Variants in RIMKLA observed in about 807,000 individuals in gnomAD.
RIMKLA encodes ribosomal modification protein rimK like family member A, also known as N-acetylaspartylglutamate synthase A.
RIMKLA carries 14 observed loss-of-function variants against 32.7 expected under a neutral mutation model. The observed-to-expected ratio is 0.43, with a 90% CI of 0.28 to 0.67. RIMKLA has a LOEUF of 0.67. RIMKLA is among the 30% of genes least tolerant of loss of function. The probability of loss-of-function intolerance (pLI) is 0.18; values close to 1 mark genes in which losing one functional copy is unlikely to be tolerated. For synonymous variants in RIMKLA, 176 were observed against 204.1 expected (o/e 0.86, Z 1.18); for missense variants, 410 against 519.0 (o/e 0.79, Z 2.04).
chr1:42,392,512 A>C lies in RIMKLA; in HGVS notation c.164-6892A>C, dbSNP rs1197319811. 2.6e-5 allele frequency among the ~76,000 whole-genome samples: 4 copies of C among 152,060 alleles called. No individual in the cohort carries two copies. The South Asian group carries it at 8.3e-4, about 32-fold the overall frequency. On this transcript the variant is annotated intron_variant, in intron 1 of 4. Coordinates refer to ENST00000431473, the MANE Select transcript of RIMKLA (RefSeq NM_173642.4). ...CCTTTGGCTTTTACCATTTGATTGCACCAGGGCCCGGCTTCTGACTACCAG... is the reference window on the plus strand; with the variant it reads ...CCTTTGGCTTTTACCATTTGATTGCCCCAGGGCCCGGCTTCTGACTACCAG...
intron 2 of RIMKLA, among the ~76,000 whole-genome samples, chr1:42,402,207 C>G (rs534738726): frequency 7.9e-5 from 12 of 152,256 alleles, no homozygotes; most frequent in African/African-American, 2.6e-4. Context: ...TAATGCCACT[C>G]CCCCACCCTG....
Position 42,380,846 on chromosome 1 carries a change from C to T in RIMKLA, c.-89C>T. On this transcript the variant is annotated 5_prime_UTR_variant, in exon 1 of 5. It adds an upstream start codon to the 5' untranslated region. Coordinates refer to ENST00000431473, the MANE Select transcript of RIMKLA (RefSeq NM_173642.4). Reference sequence around the variant, plus strand: ...GGAGCCGTGGCGCGCTCGCCCCGGACGCCGGCCGCCCCTCCGCTCGCCCTA... The same window carrying T: ...GGAGCCGTGGCGCGCTCGCCCCGGATGCCGGCCGCCCCTCCGCTCGCCCTA... 3.5e-6 allele frequency: 3 copies of T among 851,998 alleles called. No homozygotes were observed. The highest frequency in any genetic ancestry group is 4.4e-6 in the Non-Finnish European group (3 of 676,160). The allele number at this position is 851,998 out of a possible 1,614,324, so 52.8% of individuals were successfully genotyped here.
chr1:42,406,704 A>G (rs1643150017), intron 3 of RIMKLA, among the ~76,000 whole-genome samples: 1 of 152,106 alleles, frequency 6.6e-6, no homozygotes, highest in South Asian at 2.1e-4. Context: ...GTATGTATGT[A>G]TGCTTATTAT....
chr1:42,385,887 T>TTTCTTTCC (rs1642941161), intron 1 of RIMKLA, among the ~76,000 whole-genome samples: 1 of 96,816 alleles, frequency 1.0e-5, no homozygotes, highest in African/African-American at 3.8e-5. Flanking sequence ...TCTTTCTTTC[T>TTTCTTTCC]TTCTTTCTTT....
At chr1:42,388,525 T>TC (rs1557751073) in intron 1 of RIMKLA, among the ~76,000 whole-genome samples, 1 of 145,398 alleles carries the variant, frequency 6.9e-6, no homozygotes, top group African/African-American at 2.6e-5. Flanking sequence ...TTGTTTTTTT[T>TC]TTTTTTTTTT....
Position 42,381,005 on chromosome 1 carries a change from G to A in RIMKLA, c.71G>A (p.Arg24His). 1 of 1,435,516 alleles carries A rather than the reference G, an allele frequency of 7.0e-7. No individual in the cohort carries two copies. 88.9% of individuals were successfully genotyped at this position (1,435,516 alleles called of 1,614,324 possible). ...GACTACCCGCAGGTGCAGATCCTGC[G>A]CGCCCTCCGGCAGCGCTGCTCCGAG... ...REDYPQVQILRALRQRCSEQD... is the reference protein window; with the variant it reads ...REDYPQVQILHALRQRCSEQD... The change falls in exon 1 of 5, where the codon CGC becomes CAC. Residue 24 changes from arginine to histidine, a missense_variant. By Grantham distance (29) the Arg-to-His change is conservative. Transcript: ENST00000431473.
chr1:42,383,001 G>C (rs1053244971), intron 1 of RIMKLA, among the ~76,000 whole-genome samples: 1 of 151,460 alleles, frequency 6.6e-6, no homozygotes, highest in Non-Finnish European at 1.5e-5. Context: ...GGGATTACAG[G>C]CATGTGCCAC....
At chr1:42,392,422 C>T (rs777057413) in intron 1 of RIMKLA, among the ~76,000 whole-genome samples, 32 of 152,188 alleles carry the variant, frequency 2.1e-4, no homozygotes, top group Non-Finnish European at 3.5e-4. Flanking sequence ...GTTTGTTTTA[C>T]TCACACCTGT....
rs1643270261 is a variant in RIMKLA, at chr1:42,418,556, T to C, written c.*3582T>C. 1 of 152,196 alleles carries C rather than the reference T, an allele frequency of 6.6e-6. No homozygotes were observed. Among genetic ancestry groups the C allele is most frequent in the Non-Finnish European group, 1.5e-5 (1 of 68,038 alleles). 9.4% of individuals were successfully genotyped at this position (152,196 alleles called of 1,614,324 possible). ...CTAGTAGGAAGGAGGAAAAAATGGCTCTTCTGTGGGCTGTTTTAATGAAAG... is the reference window on the plus strand; with the variant it reads ...CTAGTAGGAAGGAGGAAAAAATGGCCCTTCTGTGGGCTGTTTTAATGAAAG... On this transcript the variant is annotated 3_prime_UTR_variant, in exon 5 of 5. Transcript: ENST00000431473.
intron 4 of RIMKLA, among the ~76,000 whole-genome samples, chr1:42,411,452 C>CT (rs1373343308): frequency 2.9e-5 from 4 of 140,142 alleles, no homozygotes; most frequent in South Asian, 2.3e-4. Context: ...ATCTCATTTT[C>CT]TTTTTTTTTC....
At chr1:42,389,940 A>G (rs1431040339) in intron 1 of RIMKLA, among the ~76,000 whole-genome samples, 1 of 152,130 alleles carries the variant, frequency 6.6e-6, no homozygotes, top group Non-Finnish European at 1.5e-5. Context: ...GTGAATATAA[A>G]CAGTCTAAGA....
chr1:42,394,770 C>T (rs1001075641), intron 1 of RIMKLA, among the ~76,000 whole-genome samples: 4 of 150,904 alleles, frequency 2.7e-5, no homozygotes, highest in Non-Finnish European at 5.9e-5. Flanking sequence ...GAGTTTCGCT[C>T]TTGTTGCCCA....
Position 42,418,900 on chromosome 1 carries a change from C to T in RIMKLA, c.*3926C>T, listed in dbSNP as rs77870022. 5.3e-3 allele frequency: 803 copies of T among 152,348 alleles called. 4 individuals are homozygous for T. The highest frequency in any genetic ancestry group is 8.6e-3 in the Non-Finnish European group (584 of 68,058). 9.4% of individuals were successfully genotyped at this position (152,348 alleles called of 1,614,324 possible). A position where few individuals can be genotyped will look rare whatever the true frequency, so the allele number is the denominator to read the frequency against. On this transcript the variant is annotated 3_prime_UTR_variant, in exon 5 of 5. Coordinates refer to ENST00000431473, the MANE Select transcript of RIMKLA (RefSeq NM_173642.4). Reference sequence around the variant, plus strand: ...GTCAGAGAATAAATCCAACCTTAGTCAAGTCACTACAGTTTAATATTTTCC... The same window carrying T: ...GTCAGAGAATAAATCCAACCTTAGTTAAGTCACTACAGTTTAATATTTTCC...
At chr1:42,402,046 G>A (rs1643101588) in intron 2 of RIMKLA, among the ~76,000 whole-genome samples, 1 of 152,166 alleles carries the variant, frequency 6.6e-6, no homozygotes, top group Non-Finnish European at 1.5e-5. Flanking sequence ...GAAGCTGGGA[G>A]TTCCCTTCTT....
rs1236762531 is a variant in RIMKLA at position 42,418,666 on chromosome 1, C to T, written c.*3692C>T. ...ATGAGATGCATGGATTTCCATCCAC[C>T]CTGGAGAAGTGGGGGAGATGTGCTT... On this transcript the variant is annotated 3_prime_UTR_variant, in exon 5 of 5. Coordinates refer to ENST00000431473, the MANE Select transcript of RIMKLA (RefSeq NM_173642.4). The T allele has an allele frequency of 6.6e-6, 1 of 152,118 alleles. No individual in the cohort carries two copies. Among genetic ancestry groups the T allele is most frequent in the Non-Finnish European group, 1.5e-5 (1 of 68,046 alleles). 9.4% of individuals were successfully genotyped at this position (152,118 alleles called of 1,614,324 possible). A position where few individuals can be genotyped will look rare whatever the true frequency, so the allele number is the denominator to read the frequency against.
chr1:42,384,537 ATATG>A (rs1642918508), intron 1 of RIMKLA, among the ~76,000 whole-genome samples: 1 of 147,198 alleles, frequency 6.8e-6, no homozygotes, highest in African/African-American at 2.5e-5. Flanking sequence ...ATATACATAT[ATATG>A]TATATATATG....
chr1:42,406,747 T>C (rs1643150488), intron 3 of RIMKLA, among the ~76,000 whole-genome samples: 1 of 152,176 alleles, frequency 6.6e-6, no homozygotes, highest in Admixed American at 6.5e-5. Flanking sequence ...GGTATCTCAT[T>C]GTGGTTTTGA....
intron 1 of RIMKLA, among the ~76,000 whole-genome samples, chr1:42,396,244 A>AAG (rs1643046219): frequency 6.6e-6 from 1 of 150,448 alleles, no homozygotes; most frequent in Non-Finnish European, 1.5e-5. Flanking sequence ...CTCAAAAAAA[A>AAG]AAAAAAAAAA....
Position 42,420,021 on chromosome 1 carries a change from T to C in RIMKLA, c.*5047T>C, listed in dbSNP as rs1260224310. ...AGGTCAAAAGTTTCCCCCCACTTTCTGTTCCACAGTGCGTTCCCCTTGCAG... is the reference window on the plus strand; with the variant it reads ...AGGTCAAAAGTTTCCCCCCACTTTCCGTTCCACAGTGCGTTCCCCTTGCAG... On this transcript the variant is annotated 3_prime_UTR_variant, in exon 5 of 5. Transcript: ENST00000431473. 6.6e-6 allele frequency: 1 copy of C among 152,294 alleles called. No individual in the cohort carries two copies. Among genetic ancestry groups the C allele is most frequent in the Non-Finnish European group, 1.5e-5 (1 of 68,082 alleles). The allele number at this position is 152,294 out of a possible 1,614,324, so 9.4% of individuals were successfully genotyped here.
Sources: allele counts gnomAD v4.1 joint callset (sites outside exome capture counted in the v4.1 genomes callset), GRCh38; gene constraint gnomAD v4.1.1; transcripts MANE v1.5; gene names NCBI Gene and HGNC (gene_info 2026-07-23, HGNC 2026-07-21).